The following TMEM260 variants were observed in gnomAD, a reference collection of about 807,000 sequenced individuals.
TMEM260 encodes transmembrane protein 260, also known as protein O-mannosyl-transferase TMEM260.
In TMEM260, 82 loss-of-function variants were observed where a neutral mutation model predicts 88.9. The ratio of observed to expected loss-of-function variants is 0.92; its 90% CI spans 0.77 to 1.11. TMEM260 has a LOEUF of 1.11. Among genes scored for constraint, TMEM260 ranks in the 50% least tolerant of loss-of-function variants. The pLI is 0.00. For missense variants in TMEM260, 902 were observed against 853.4 expected, an observed-to-expected ratio of 1.06 and a Z score of -0.71; for synonymous variants, 314 against 309.3, an observed-to-expected ratio of 1.02 and a Z score of -0.16.
intron 1 of TMEM260, among the ~76,000 whole-genome samples, chr14:56,584,019 TGTG>T (rs1251022206): frequency 6.6e-6 from 1 of 151,494 alleles, no homozygotes; most frequent in Non-Finnish European, 1.5e-5. Context: ...TGTGTGTGTG[TGTG>T]TGTGTATGTG....
chr14:56,629,628 G>A (rs8023068), intron 12 of TMEM260, among the ~76,000 whole-genome samples: 16,979 of 152,086 alleles, frequency 0.11, 1,502 homozygotes, highest in African/African-American at 0.24. Context: ...ACTATTAGCC[G>A]TGAATTCTCT....
intron 15 of TMEM260, among the ~76,000 whole-genome samples, chr14:56,646,392 T>A (rs1566582975): frequency 6.6e-6 from 1 of 152,222 alleles, no homozygotes; most frequent in African/African-American, 2.4e-5. Context: ...TACAGGTAAC[T>A]CCTGTGAATA....
chr14:56,641,980 C>T (rs900178563), intron 15 of TMEM260, among the ~76,000 whole-genome samples: 2 of 152,152 alleles, frequency 1.3e-5, no homozygotes, highest in Admixed American at 1.3e-4. Flanking sequence ...TATATGCACC[C>T]AATACAGGAG....
rs575657732 is a variant in TMEM260, at chr14:56,623,675, A to G, written c.1399-1707A>G. Reference sequence around the variant, plus strand: ...AGGTTATTTTGAGAACCAAATGAGGAACAGTAAAGTCCATAGCACACAGTG... The same window carrying G: ...AGGTTATTTTGAGAACCAAATGAGGGACAGTAAAGTCCATAGCACACAGTG... On this transcript the variant is annotated intron_variant, in intron 11 of 15. Coordinates refer to ENST00000261556, the MANE Select transcript of TMEM260 (RefSeq NM_017799.4). Among the ~76,000 whole-genome samples, 41 of 152,338 alleles carry G rather than the reference A, an allele frequency of 2.7e-4. No homozygotes were observed. The East Asian group carries it at 5.2e-3, about 19-fold the overall frequency.
chr14:56,579,756 G>C, upstream of TMEM260: 1 of 593,150 alleles, frequency 1.7e-6, no homozygotes, highest in East Asian at 3.5e-5. Flanking sequence ...TCTCCTCCCC[G>C]CGCTCAGGCG....
intron 15 of TMEM260, among the ~76,000 whole-genome samples, chr14:56,640,734 T>TA (rs1215640047): frequency 6.6e-6 from 1 of 152,034 alleles, no homozygotes; most frequent in Non-Finnish European, 1.5e-5. Context: ...GCAAAGAAGT[T>TA]AAAAACCTTG....
chr14:56,635,476 G>A (rs1888974750), intron 14 of TMEM260, among the ~76,000 whole-genome samples: 1 of 152,188 alleles, frequency 6.6e-6, no homozygotes, highest in South Asian at 2.1e-4. Flanking sequence ...ACATGTTAAA[G>A]GAGATTGAAA....
the TMEM260 span, among the ~76,000 whole-genome samples, chr14:56,662,052 A>T: frequency 6.6e-6 from 1 of 152,164 alleles, no homozygotes; most frequent in Admixed American, 6.5e-5. Context: ...ACTCCTCAAA[A>T]TCTGATTGCT....
In TMEM260 at chr14:56,597,318, G is replaced by A. The variant is rs144685126; in HGVS notation, c.345-6497G>A. ...AATTAGAAATGTTCAACTGATATGT[G>A]TTCTTCAAATATTCCAAAATCTGAA... On this transcript the variant is annotated intron_variant, in intron 3 of 15. Coordinates refer to ENST00000261556, the MANE Select transcript of TMEM260 (RefSeq NM_017799.4). 3.3e-5 allele frequency among the ~76,000 whole-genome samples: 5 copies of A among 152,302 alleles called. No homozygotes were observed. In the East Asian group the frequency reaches 5.8e-4, roughly 18 times the overall value.
In TMEM260 at chr14:56,617,256, A is replaced by G. The variant is rs766650180; in HGVS notation, c.1015A>G (p.Arg339Gly). 3.7e-6 allele frequency: 6 copies of G among 1,603,936 alleles called. No individual in the cohort carries two copies. Among genetic ancestry groups the G allele is most frequent in the Non-Finnish European group, 3.4e-6 (4 of 1,176,238 alleles). Residue 339 changes from arginine (R) to glycine (G), a missense_variant, in exon 9 of 16, where the codon AGA becomes GGA. Physicochemically the swap from Arg to Gly is moderately radical, Grantham distance 125. Transcript: ENST00000261556. ...CATTTATTCATTGTTCTTTGCTTGG[A>G]GAGCAAATTTAGATATTTCAAAACC... ...FCIYSLFFAW[R>G]ANLDISKPLF... is the part of the protein sequence containing the mutation.
Position 56,609,103 on chromosome 14 carries a change from C to G in TMEM260, c.637-3C>G, listed in dbSNP as rs779940324. On this transcript the variant is annotated splice_region_variant and splice_polypyrimidine_tract_variant and intron_variant, in intron 5 of 15. Transcript: ENST00000261556. ...TTATACCACCCAATGTGCTCTGATG[C>G]AGGAACTCTCCCTGGGCTCTTTGTT... is the stretch of plus-strand genomic sequence containing the variant. The G allele has an allele frequency of 6.2e-7, 1 of 1,613,762 alleles. No homozygotes were observed. The highest frequency in any genetic ancestry group is 2.2e-5 in the East Asian group (1 of 44,888).
chr14:56,660,792 C>G, the TMEM260 span, among the ~76,000 whole-genome samples: 2 of 152,060 alleles, frequency 1.3e-5, no homozygotes, highest in African/African-American at 4.8e-5. Context: ...CTGTCTCTGT[C>G]TCGCTCTCTC....
At chr14:56,643,075 A>G (rs1889716154) in intron 15 of TMEM260, among the ~76,000 whole-genome samples, 1 of 152,332 alleles carries the variant, frequency 6.6e-6, no homozygotes, top group South Asian at 2.1e-4. Context: ...GCCGAATTCT[A>G]CCAGAGGTAC....
intron 3 of TMEM260, among the ~76,000 whole-genome samples, chr14:56,590,008 CTA>C (rs538320030): frequency 2.6e-4 from 39 of 152,234 alleles, no homozygotes; most frequent in African/African-American, 9.4e-4. Flanking sequence ...TCAGAAGTAA[CTA>C]TGCATAAGTA....
At position 56,648,464 on chromosome 14, in the gene TMEM260, G is replaced by C. The variant is rs1890098959; in HGVS notation, c.*967G>C. The stretch of plus-strand genomic sequence containing the variant: ...ACTTCCTAAGTAGAGGCCAGAATCT[G>C]TAGGGCTTCTTTTCCCCCCAATTGT... On this transcript the variant is annotated 3_prime_UTR_variant, in exon 16 of 16. Transcript: ENST00000261556. 1 of 152,610 alleles carries C rather than the reference G, an allele frequency of 6.6e-6. No homozygotes were observed. The highest frequency in any genetic ancestry group is 6.5e-5 in the Admixed American group (1 of 15,278). 9.5% of individuals were successfully genotyped at this position (152,610 alleles called of 1,614,324 possible).
At chr14:56,622,873 G>T (rs1183892717) in intron 11 of TMEM260, among the ~76,000 whole-genome samples, 1 of 152,118 alleles carries the variant, frequency 6.6e-6, no homozygotes, top group Non-Finnish European at 1.5e-5. Flanking sequence ...TTTATAAGCA[G>T]TTGCATTTAT....
intron 11 of TMEM260, among the ~76,000 whole-genome samples, chr14:56,624,939 C>T (rs1334906458): frequency 1.3e-5 from 2 of 152,162 alleles, no homozygotes; most frequent in Admixed American, 1.3e-4. Flanking sequence ...GATCATCAGG[C>T]ATTAGATTCT....
At chr14:56,585,703 T>G in intron 2 of TMEM260, 58 bp from the exon 3 acceptor site, 1 of 1,552,716 alleles carries the variant, frequency 6.4e-7, no homozygotes, top group Non-Finnish European at 8.8e-7. Context: ...AATTAAGGCC[T>G]GTGGGACTCT....
intron 1 of TMEM260, among the ~76,000 whole-genome samples, chr14:56,584,266 A>G (rs1373608049): frequency 6.6e-6 from 1 of 152,134 alleles, no homozygotes; most frequent in Non-Finnish European, 1.5e-5. Context: ...ATTCATCAAT[A>G]TTGATTCCTT....
Sources: gnomAD v4.1 joint callset for allele counts (sites outside exome capture counted in the v4.1 genomes callset) on GRCh38, gnomAD v4.1.1 for gene constraint, MANE v1.5 for transcripts, NCBI Gene and HGNC (gene_info 2026-07-23, HGNC 2026-07-21) for gene names.